Variants in RBFOX1 observed in about 807,000 individuals in gnomAD.
The protein encoded by RBFOX1 is RNA binding protein fox-1 homolog 1.
Under a neutral mutation model 57.7 loss-of-function variants are expected in RBFOX1, and 8 were observed. The ratio of observed to expected loss-of-function variants is 0.14; its 90% CI spans 0.08 to 0.25. The LOEUF is 0.25. Ranked by LOEUF, RBFOX1 falls within the 10% of genes least tolerant of loss-of-function variation. The probability of loss-of-function intolerance (pLI) is 1.00; values close to 1 mark genes in which losing one functional copy is unlikely to be tolerated. For missense variants in RBFOX1, 611 were observed against 548.5 expected (o/e 1.11, Z -1.14); for synonymous variants, 326 against 222.4 (o/e 1.47, Z -4.15).
chr16:6,264,492 G>T (rs1475856207), intron 1 of RBFOX1, among the ~76,000 whole-genome samples: 1 of 152,184 alleles, frequency 6.6e-6, no homozygotes, highest in Non-Finnish European at 1.5e-5. Context: ...TGAGTGATCA[G>T]ATTGCATCAG....
intron 4 of RBFOX1, among the ~76,000 whole-genome samples, chr16:7,367,027 C>T (rs1240079178): frequency 6.6e-6 from 1 of 151,678 alleles, no homozygotes; most frequent in Non-Finnish European, 1.5e-5. Context: ...GATGGGTTTT[C>T]TGGCTTGATT....
At chr16:6,134,610 G>C (rs1014460535) in intron 1 of RBFOX1, among the ~76,000 whole-genome samples, 2 of 152,200 alleles carry the variant, frequency 1.3e-5, no homozygotes, top group East Asian at 3.9e-4. Context: ...AGGCAGTGAG[G>C]GGGTGAAGGA....
chr16:5,424,787 G>A (rs1041578688), intron 1 of RBFOX1, among the ~76,000 whole-genome samples: 21 of 151,892 alleles, frequency 1.4e-4, no homozygotes, highest in Non-Finnish European at 2.9e-4. Context: ...TAAGTAGGAA[G>A]TCCAGGCTCA....
chr16:5,902,725 C>G (rs1387796864), intron 4 of RBFOX1, among the ~76,000 whole-genome samples: 1 of 152,130 alleles, frequency 6.6e-6, no homozygotes, highest in Non-Finnish European at 1.5e-5. Flanking sequence ...CTTATTTAAT[C>G]ATAGAGGACA....
At chr16:5,561,480 G>A (rs2045888382) in intron 2 of RBFOX1, among the ~76,000 whole-genome samples, 1 of 152,084 alleles carries the variant, frequency 6.6e-6, no homozygotes, top group Admixed American at 6.6e-5. Flanking sequence ...ACTTCTGGAA[G>A]CAGGTCTGTT....
At chr16:6,488,305 T>A (rs989808994) in intron 2 of RBFOX1, among the ~76,000 whole-genome samples, 6 of 152,202 alleles carry the variant, frequency 3.9e-5, no homozygotes, top group Non-Finnish European at 8.8e-5. Context: ...CTAGTTGGAT[T>A]TATTGTGGTT....
chr16:6,722,764 T>A (rs189928625), intron 3 of RBFOX1, among the ~76,000 whole-genome samples: 8 of 152,338 alleles, frequency 5.3e-5, no homozygotes, highest in Non-Finnish European at 1.2e-4. Context: ...ACTACATGAA[T>A]TATGTAGGCA....
At chr16:5,890,484 G>A (rs796876134) in intron 4 of RBFOX1, among the ~76,000 whole-genome samples, 2 of 152,016 alleles carry the variant, frequency 1.3e-5, no homozygotes, top group Non-Finnish European at 2.9e-5. Flanking sequence ...AGATCACGAG[G>A]TCAGGAGTTT....
intron 2 of RBFOX1, among the ~76,000 whole-genome samples, chr16:6,535,009 A>G (rs2096715617): frequency 6.6e-6 from 1 of 152,222 alleles, no homozygotes; most frequent in African/African-American, 2.4e-5. Flanking sequence ...TGAAGGAAGG[A>G]CAGTCATTCA....
At chr16:6,036,652 T>C in intron 1 of RBFOX1, among the ~76,000 whole-genome samples, 1 of 152,190 alleles carries the variant, frequency 6.6e-6, no homozygotes, top group East Asian at 1.9e-4. Context: ...CTTTCTCCAC[T>C]TTTAGATGTT....
chr16:7,504,595 A>C (rs1449953278), intron 4 of RBFOX1, among the ~76,000 whole-genome samples: 1 of 148,754 alleles, frequency 6.7e-6, no homozygotes, highest in Non-Finnish European at 1.5e-5. Flanking sequence ...AAAGACTTAG[A>C]TATGAGGTCT....
chr16:7,111,856 G>C (rs1407329152), intron 4 of RBFOX1, among the ~76,000 whole-genome samples: 2 of 151,786 alleles, frequency 1.3e-5, no homozygotes, highest in Non-Finnish European at 2.9e-5. Context: ...ACATCCACTT[G>C]TATAAATTGA....
At chr16:7,262,156 A>C (rs543780288) in intron 4 of RBFOX1, among the ~76,000 whole-genome samples, 130 of 152,232 alleles carry the variant, frequency 8.5e-4, no homozygotes, top group African/African-American at 3.0e-3. Flanking sequence ...AAATATAGTT[A>C]TATATCTATA....
intron 3 of RBFOX1, among the ~76,000 whole-genome samples, chr16:7,001,520 G>A (rs918424907): frequency 6.6e-6 from 1 of 152,072 alleles, no homozygotes; most frequent in Non-Finnish European, 1.5e-5. Flanking sequence ...ACAGTTGCAT[G>A]ATCTCAACTC....
chr16:6,563,872 A>G (rs917792387), intron 2 of RBFOX1, among the ~76,000 whole-genome samples: 1 of 151,330 alleles, frequency 6.6e-6, no homozygotes, highest in Admixed American at 6.6e-5. Flanking sequence ...GTATGTATGT[A>G]TATGTATGTG....
intron 1 of RBFOX1, among the ~76,000 whole-genome samples, chr16:6,256,197 GTATA>G (rs1567788091): frequency 1.3e-4 from 6 of 45,374 alleles, no homozygotes; most frequent in African/African-American, 6.1e-4. Flanking sequence ...GTATATATAT[GTATA>G]TGTATATGTG....
At chr16:7,397,505 C>A (rs577123533) in intron 4 of RBFOX1, among the ~76,000 whole-genome samples, 1 of 152,130 alleles carries the variant, frequency 6.6e-6, no homozygotes, top group African/African-American at 2.4e-5. Flanking sequence ...ATGAAAAGAA[C>A]CCACTGGTGA....
At chr16:6,490,118 G>A (rs958636486) in intron 2 of RBFOX1, among the ~76,000 whole-genome samples, 4 of 152,134 alleles carry the variant, frequency 2.6e-5, no homozygotes, top group Admixed American at 6.5e-5. Context: ...TTTAGGCCAC[G>A]GGAATGACCA....
chr16:7,350,768 A>G (rs565350689), intron 4 of RBFOX1, among the ~76,000 whole-genome samples: 1 of 152,182 alleles, frequency 6.6e-6, no homozygotes, highest in Non-Finnish European at 1.5e-5. Flanking sequence ...ATGTGGGGTA[A>G]CAGAAAAATC....
Sources: gnomAD v4.1 joint callset for allele counts (sites outside exome capture counted in the v4.1 genomes callset) on GRCh38, gnomAD v4.1.1 for gene constraint, MANE v1.5 for transcripts, NCBI Gene and HGNC (gene_info 2026-07-23, HGNC 2026-07-21) for gene names.